NPIPB12: variants seen among roughly 807,000 people sequenced by gnomAD.
NPIPB12 encodes the protein nuclear pore complex-interacting protein family member B12.
At chr16:29,486,001 A>G, downstream of NPIPB12, 1 of 222,046 alleles carries the variant, frequency 4.5e-6, no homozygotes. Flanking sequence ...CCTTCCACTG[A>G]GTACTGCCGA....
intron 1 of NPIPB12, among the ~76,000 whole-genome samples, chr16:29,498,316 A>G (rs1416957766): frequency 6.8e-6 from 1 of 147,756 alleles, no homozygotes; most frequent in Non-Finnish European, 1.5e-5. Flanking sequence ...ATAAATAAAT[A>G]AATAAATAAA....
upstream of NPIPB12, among the ~76,000 whole-genome samples, chr16:29,501,390 T>C (rs571940388): frequency 6.5e-5 from 1 of 15,346 alleles, no homozygotes; most frequent in Non-Finnish European, 9.9e-5. Flanking sequence ...GGCAGGAGAA[T>C]AGTTTGAACC....
intron 1 of NPIPB12, among the ~76,000 whole-genome samples, chr16:29,498,684 G>A (rs1451677923): frequency 4.5e-3 from 30 of 6,684 alleles, no homozygotes; most frequent in African/African-American, 0.013. Context: ...CAGCCTGGGC[G>A]ACAGAGCGAG....
rs1284619617 is a variant in NPIPB12, at chr16:29,495,611, GAATAAT to G, written c.76-10_76-5del. On this transcript the variant is annotated splice_region_variant and splice_polypyrimidine_tract_variant and intron_variant, in intron 1 of 5. Transcript: ENST00000617311. ...GGTCAGCCAGAGTATTGATAACCTG[GAATAAT>G]AATAGTTGAAATAATGAAAAGGTCA... The G allele has an allele frequency of 3.4e-5, 1 of 29,072 alleles. No homozygotes were observed. Among genetic ancestry groups the G allele is most frequent in the South Asian group, 2.1e-4 (1 of 4,806 alleles). The allele number at this position is 29,072 out of a possible 1,614,324, so 1.8% of individuals were successfully genotyped here. A position where few individuals can be genotyped will look rare whatever the true frequency, so the allele number is the denominator to read the frequency against.
intron 2 of NPIPB12, among the ~76,000 whole-genome samples, chr16:29,492,512 A>AC (rs1309522939): frequency 4.7e-5 from 2 of 42,740 alleles, no homozygotes; most frequent in African/African-American, 1.9e-4. Context: ...AAAAAAAAAA[A>AC]AGGCCAGATG....
upstream of NPIPB12, among the ~76,000 whole-genome samples, chr16:29,504,263 C>T: frequency 1.2e-5 from 1 of 83,394 alleles, no homozygotes; most frequent in East Asian, 4.0e-4. Context: ...AGTCCCAGCA[C>T]TTTGGGAGGC....
At chr16:29,504,712 T>G (rs1193657193) in intron 2 of NPIPB12, among the ~76,000 whole-genome samples, 1 of 31,276 alleles carries the variant, frequency 3.2e-5, no homozygotes, top group Non-Finnish European at 6.3e-5. Flanking sequence ...ATAAAAAATA[T>G]GTATTACATG....
chr16:29,498,323 T>TA (rs199905176), intron 1 of NPIPB12, among the ~76,000 whole-genome samples: 1 of 146,054 alleles, frequency 6.8e-6, no homozygotes, highest in African/African-American at 2.6e-5. Context: ...AATAAATAAA[T>TA]AAATAAATAA....
At chr16:29,490,472 C>A (rs1296211667) in intron 4 of NPIPB12, among the ~76,000 whole-genome samples, 2 of 149,356 alleles carry the variant, frequency 1.3e-5, no homozygotes, top group African/African-American at 4.9e-5. Flanking sequence ...CGGTGGCTCA[C>A]GCCTGTAATC....
chr16:29,504,529 T>A (rs1434436068), intron 2 of NPIPB12, among the ~76,000 whole-genome samples: 1 of 139,938 alleles, frequency 7.1e-6, no homozygotes, highest in African/African-American at 2.7e-5. Context: ...TGTGTGTGTG[T>A]GTGTGTGTGT....
At chr16:29,504,642 T>C (rs1270035101) in intron 2 of NPIPB12, among the ~76,000 whole-genome samples, 1 of 39,478 alleles carries the variant, frequency 2.5e-5, no homozygotes, top group Non-Finnish European at 4.8e-5. Flanking sequence ...ATGACTAATT[T>C]AATTATTACT....
intron 2 of NPIPB12, among the ~76,000 whole-genome samples, chr16:29,495,262 AG>A (rs1965124951): frequency 7.2e-6 from 1 of 139,058 alleles, no homozygotes; most frequent in Non-Finnish European, 1.6e-5. Context: ...TTTGACCAAA[AG>A]CTCTGTTGAC....
Position 29,498,307 on chromosome 16 carries a change from T to A in NPIPB12, c.75+1017A>T, listed in dbSNP as rs1306868083. The stretch of plus-strand genomic sequence containing the variant: ...AAGGGAGAAACTGTCTCAAAATAAA[T>A]AAATAAATAAATAAATAAATAAATA... On this transcript the variant is annotated intron_variant, in intron 1 of 5. Coordinates refer to ENST00000617311, the Ensembl canonical transcript of NPIPB12. Among the ~76,000 whole-genome samples, 4 of 148,008 alleles carry A rather than the reference T, an allele frequency of 2.7e-5. No individual in the cohort carries two copies. The East Asian group carries it at 6.1e-4, about 22-fold the overall frequency.
intron 2 of NPIPB12, among the ~76,000 whole-genome samples, chr16:29,504,558 A>G (rs1344223558): frequency 8.2e-5 from 12 of 147,182 alleles, no homozygotes; most frequent in East Asian, 3.9e-4. Context: ...GTGTGTGTGT[A>G]TCTATATAAA....
chr16:29,498,348 A>C (rs1965166956), intron 1 of NPIPB12, among the ~76,000 whole-genome samples: 1 of 147,834 alleles, frequency 6.8e-6, no homozygotes, highest in Non-Finnish European at 1.5e-5. Context: ...AATAATGTAG[A>C]TCTTGAAAGG....
At chr16:29,484,954 G>T, downstream of NPIPB12, 1 of 82,752 alleles carries the variant, frequency 1.2e-5, no homozygotes, top group Non-Finnish European at 2.0e-5. Flanking sequence ...ACGCTCGGAA[G>T]GTGTCTTGAG....
upstream of NPIPB12, among the ~76,000 whole-genome samples, chr16:29,501,820 C>T (rs1386849964): frequency 9.0e-5 from 2 of 22,172 alleles, no homozygotes. Flanking sequence ...TGTACCATTG[C>T]ACTCCAGCCT....
intron 2 of NPIPB12, among the ~76,000 whole-genome samples, chr16:29,495,147 C>A (rs545555409): frequency 7.0e-6 from 1 of 143,802 alleles, no homozygotes; most frequent in Non-Finnish European, 1.6e-5. Context: ...TCCACCCATA[C>A]GATAGAACTA....
rs1250727587 is a variant in NPIPB12 at position 29,497,747 on chromosome 16, GA to G, written c.75+1576del. Among the ~76,000 whole-genome samples, 4 of 45,010 alleles carry G rather than the reference GA, an allele frequency of 8.9e-5. 1 individual carries two copies. The highest frequency in any genetic ancestry group is 1.3e-4 in the Non-Finnish European group (4 of 31,588). The allele number at this position is 45,010 out of a possible 152,430, so 29.5% of individuals were successfully genotyped here. On this transcript the variant is annotated intron_variant, in intron 1 of 5. Coordinates refer to ENST00000617311, the Ensembl canonical transcript of NPIPB12. ...TTTTAAATGTTTCTTTCAAGATGGT[GA>G]ATTAAACAGAGATAGCCCTTCAACA...
Sources: allele counts gnomAD v4.1 joint callset (sites outside exome capture counted in the v4.1 genomes callset), GRCh38; gene constraint gnomAD v4.1.1; transcripts MANE v1.5; gene names NCBI Gene and HGNC (gene_info 2026-07-23, HGNC 2026-07-21).